The following ITGB6 variants were observed in gnomAD, a reference collection of about 807,000 sequenced individuals.
ITGB6 encodes integrin subunit beta 6, also known as integrin beta-6.
Under a neutral mutation model 84.5 loss-of-function variants are expected in ITGB6, and 80 were observed. The ratio of observed to expected loss-of-function variants is 0.95; its 90% confidence interval spans 0.79 to 1.14. The LOEUF (loss-of-function observed/expected upper bound fraction) is 1.14. Ranked by LOEUF, ITGB6 falls within the 50% of genes most tolerant of loss-of-function variation. The pLI is 0.00. For synonymous variants in ITGB6, 383 were observed against 354.9 expected, an observed-to-expected ratio of 1.08 and a Z score of -0.89; for missense variants, 1,006 against 968.0, an observed-to-expected ratio of 1.04 and a Z score of -0.52.
chr2:160,145,804 CCT>C (rs758716772), intron 7 of ITGB6, among the ~76,000 whole-genome samples: 17 of 152,168 alleles, frequency 1.1e-4, no homozygotes, highest in Non-Finnish European at 1.8e-4. Context: ...CCTTGCAGAG[CCT>C]CTCTGGCTTT....
At chr2:160,113,818 C>A (rs76692749) in intron 12 of ITGB6, among the ~76,000 whole-genome samples, 29 of 152,154 alleles carry the variant, frequency 1.9e-4, no homozygotes, top group Non-Finnish European at 3.2e-4. Flanking sequence ...ATAATTCATA[C>A]GTTGGCCATT....
chr2:160,110,464 C>A (rs923577487), intron 13 of ITGB6, among the ~76,000 whole-genome samples: 2 of 152,274 alleles, frequency 1.3e-5, no homozygotes, highest in South Asian at 2.1e-4. Context: ...ATCCTCATCA[C>A]CTCAAGGGCC....
At chr2:160,158,969 T>C (rs1026439177) in intron 7 of ITGB6, among the ~76,000 whole-genome samples, 2 of 151,848 alleles carry the variant, frequency 1.3e-5, no homozygotes, top group Admixed American at 6.6e-5. Flanking sequence ...TGTGGTGGTG[T>C]GCGCCTGTAG....
At chr2:160,135,504 AT>A (rs1463333724) in intron 10 of ITGB6, among the ~76,000 whole-genome samples, 1 of 151,930 alleles carries the variant, frequency 6.6e-6, no homozygotes, top group Non-Finnish European at 1.5e-5. Context: ...ATTCAATGCC[AT>A]CCCCATCAAG....
intron 14 of ITGB6, among the ~76,000 whole-genome samples, chr2:160,103,773 T>C (rs920892577): frequency 4.6e-5 from 7 of 152,154 alleles, no homozygotes; most frequent in African/African-American, 1.4e-4. Context: ...CCTGGAGGAA[T>C]TTCCCACTTC....
chr2:160,125,048 G>GTAGA (rs1683183509), intron 11 of ITGB6, among the ~76,000 whole-genome samples: 1 of 152,160 alleles, frequency 6.6e-6, no homozygotes, highest in Admixed American at 6.5e-5. Flanking sequence ...ATCCCCTGCT[G>GTAGA]TAGAGTTCCA....
rs550704493 is a variant in ITGB6 at position 160,125,930 on chromosome 2, G to T, written c.1883+449C>A. Among the ~76,000 whole-genome samples the T allele has an allele frequency of 9.2e-5, 14 of 152,294 alleles. No homozygotes were observed. In the East Asian group the frequency reaches 2.3e-3, roughly 25 times the overall value. On this transcript the variant is annotated intron_variant, in intron 11 of 14. Coordinates refer to ENST00000283249, the MANE Select transcript of ITGB6 (RefSeq NM_000888.5). Reference sequence around the variant, plus strand: ...ATCGTCTTTCTGCCTTTTTGCCTCTGTGAGCCTATAGATAGGAATGAATCA... The same window carrying T: ...ATCGTCTTTCTGCCTTTTTGCCTCTTTGAGCCTATAGATAGGAATGAATCA...
At chr2:160,159,951 T>C (rs561259076) in intron 7 of ITGB6, among the ~76,000 whole-genome samples, 3 of 152,348 alleles carry the variant, frequency 2.0e-5, no homozygotes, top group Admixed American at 6.5e-5. Context: ...ACAGTGTCTT[T>C]TTTTATTCTC....
chr2:160,179,369 T>C (rs935214030), intron 4 of ITGB6, among the ~76,000 whole-genome samples: 3 of 151,224 alleles, frequency 2.0e-5, no homozygotes, highest in Non-Finnish European at 4.4e-5. Context: ...ATTCTAGCAT[T>C]TCTTTTCTTT....
chr2:160,132,125 G>A (rs141394873), intron 10 of ITGB6, among the ~76,000 whole-genome samples: 175 of 152,250 alleles, frequency 1.1e-3, no homozygotes, highest in African/African-American at 4.1e-3. Flanking sequence ...ATGGGATTCT[G>A]CCCAATATAT....
intron 1 of ITGB6, 99 bp from the exon 2 acceptor site, chr2:160,199,357 A>G: frequency 1.1e-6 from 1 of 872,870 alleles, no homozygotes; most frequent in Non-Finnish European, 1.9e-6. Flanking sequence ...AAACAACATC[A>G]AAGTTTAGTT....
chr2:160,199,300 T>C (rs1395008702), intron 1 of ITGB6, 42 bp from the exon 2 acceptor site: 1 of 1,466,018 alleles, frequency 6.8e-7, no homozygotes, highest in Admixed American at 1.7e-5. Flanking sequence ...AAGTACACTT[T>C]CAGTCATTCC....
At chr2:160,113,898 G>A (rs556655511) in intron 12 of ITGB6, among the ~76,000 whole-genome samples, 18 of 152,154 alleles carry the variant, frequency 1.2e-4, no homozygotes, top group African/African-American at 4.1e-4. Context: ...AAGTCTTGGG[G>A]ACTATGCGTT....
chr2:160,145,128 A>C (rs191520806), intron 7 of ITGB6, among the ~76,000 whole-genome samples: 1 of 152,208 alleles, frequency 6.6e-6, no homozygotes, highest in Non-Finnish European at 1.5e-5. Flanking sequence ...GTAATTAAAC[A>C]TGTTTAATGT....
intron 7 of ITGB6, among the ~76,000 whole-genome samples, chr2:160,168,900 G>A (rs1355893589): frequency 6.6e-6 from 1 of 152,152 alleles, no homozygotes; most frequent in Non-Finnish European, 1.5e-5. Flanking sequence ...AATTCAAGGG[G>A]ACAGATAATA....
intron 12 of ITGB6, among the ~76,000 whole-genome samples, chr2:160,122,864 T>A (rs751779015): frequency 1.1e-4 from 16 of 152,208 alleles, no homozygotes; most frequent in Admixed American, 3.3e-4. Context: ...TTCCATCTAT[T>A]CAAGAGACAC....
chr2:160,130,695 T>G (rs1683431467), intron 10 of ITGB6, among the ~76,000 whole-genome samples: 1 of 152,234 alleles, frequency 6.6e-6, no homozygotes, highest in South Asian at 2.1e-4. Context: ...CATTTTTACA[T>G]GTAAATGATC....
chr2:160,113,217 T>C (rs1306167061), intron 12 of ITGB6, among the ~76,000 whole-genome samples: 1 of 152,238 alleles, frequency 6.6e-6, no homozygotes, highest in East Asian at 1.9e-4. Context: ...GACATACTCC[T>C]ACTAGACTTA....
intron 2 of ITGB6, 69 bp from the exon 3 acceptor site, chr2:160,196,489 G>A (rs866970417): frequency 1.5e-6 from 2 of 1,336,750 alleles, no homozygotes; most frequent in East Asian, 2.3e-5. Flanking sequence ...TAAGATACCA[G>A]CAATTGAAAG....
Sources: allele counts gnomAD v4.1 joint callset (sites outside exome capture counted in the v4.1 genomes callset), GRCh38; gene constraint gnomAD v4.1.1; transcripts MANE v1.5; gene names NCBI Gene and HGNC (gene_info 2026-07-23, HGNC 2026-07-21).